The following NOL4L variants were observed in gnomAD, a reference collection of about 807,000 sequenced individuals.
NOL4L encodes nucleolar protein 4-like.
Under a neutral mutation model 64.5 loss-of-function variants are expected in NOL4L, and 7 were observed. The ratio of observed to expected loss-of-function variants is 0.11; its 90% CI spans 0.06 to 0.20. NOL4L has a LOEUF of 0.20. NOL4L is among the 10% of genes least tolerant of loss of function. The probability of loss-of-function intolerance (pLI) is 1.00; values close to 1 mark genes in which losing one functional copy is unlikely to be tolerated. For missense variants in NOL4L, 680 were observed against 967.1 expected, an observed-to-expected ratio of 0.70 and a Z score of 3.94; for synonymous variants, 413 against 401.0, an observed-to-expected ratio of 1.03 and a Z score of -0.36.
In NOL4L at chr20:32,517,055, T is replaced by C. The variant is rs567342905; in HGVS notation, c.589+3756A>G. On this transcript the variant is annotated intron_variant, in intron 3 of 10. Coordinates refer to ENST00000621426, the MANE Select transcript of NOL4L (RefSeq NM_001256798.2). ...GGAAGAGGAGTGTGGAGTCAGGAGGTCCTGGAATTTCCCGTCCTCAGACTT... is the reference window on the plus strand; with the variant it reads ...GGAAGAGGAGTGTGGAGTCAGGAGGCCCTGGAATTTCCCGTCCTCAGACTT... Among the ~76,000 whole-genome samples, 13 of 151,974 alleles carry C rather than the reference T, an allele frequency of 8.6e-5. No individual in the cohort carries two copies. The South Asian group carries it at 2.7e-3, about 32-fold the overall frequency.
rs1185042671 is a variant in NOL4L at position 32,445,014 on chromosome 20, C to A, written c.*2582G>T. On this transcript the variant is annotated 3_prime_UTR_variant, in exon 11 of 11. Coordinates refer to ENST00000621426, the MANE Select transcript of NOL4L (RefSeq NM_001256798.2). ...AATCCTGTTTCCATGCAGAAACTTG[C>A]TCCTGATTCTGCCATCTCTAGGGCT... The A allele has an allele frequency of 6.6e-6, 1 of 152,238 alleles. No homozygotes were observed. Among genetic ancestry groups the A allele is most frequent in the Non-Finnish European group, 1.5e-5 (1 of 68,022 alleles). 9.4% of individuals were successfully genotyped at this position (152,238 alleles called of 1,614,324 possible).
intron 4 of NOL4L, among the ~76,000 whole-genome samples, chr20:32,475,801 T>G (rs1271621018): frequency 6.6e-6 from 1 of 152,120 alleles, no homozygotes; most frequent in Non-Finnish European, 1.5e-5. Context: ...ACCTCTTTTA[T>G]AGTGAGCAAA....
Position 32,460,602 on chromosome 20 carries a change from C to T in NOL4L, c.842-4207G>A, listed in dbSNP as rs141614726. ...ACGGTTCTAAGGTGAGGATGGTGCC[C>T]GAGATGGGGCAGGAGCTCAAAAGGA... On this transcript the variant is annotated intron_variant, in intron 5 of 10. Transcript: ENST00000621426. This position sits in a 1 kb window ranked among gnomAD's most constrained non-coding sequence, Gnocchi z 5.7. Among the ~76,000 whole-genome samples, 174 of 152,272 alleles carry T rather than the reference C, an allele frequency of 1.1e-3. No homozygotes were observed. The Middle Eastern group carries it at 0.014, about 12-fold the overall frequency.
intron 4 of NOL4L, among the ~76,000 whole-genome samples, chr20:32,496,471 T>C (rs1197368673): frequency 6.6e-6 from 1 of 152,202 alleles, no homozygotes; most frequent in Admixed American, 6.5e-5. Flanking sequence ...CACTGTGGTA[T>C]CTTCCGTGCT....
chr20:32,488,841 TTCTTTC>T (rs2016303710), intron 4 of NOL4L, among the ~76,000 whole-genome samples: 2 of 84,104 alleles, frequency 2.4e-5, no homozygotes, highest in African/African-American at 7.9e-5. Flanking sequence ...CTTTCTTTCT[TTCTTTC>T]TTTCTTTCTT....
chr20:32,580,749 G>C (rs1042534862), intron 1 of NOL4L, among the ~76,000 whole-genome samples: 2 of 152,164 alleles, frequency 1.3e-5, no homozygotes, highest in African/African-American at 4.8e-5. Flanking sequence ...CTAGGCCTCA[G>C]TTTTCCCATC....
chr20:32,530,425 C>T (rs550532083), intron 1 of NOL4L, among the ~76,000 whole-genome samples: 20 of 152,158 alleles, frequency 1.3e-4, no homozygotes, highest in Non-Finnish European at 2.6e-4. Context: ...CCTGTAGTCC[C>T]GGCTACTCGG....
rs1236855907 is a variant in NOL4L, at chr20:32,443,589, A to AAG, written c.*4005_*4006dup. ...AGGAGCTGCCCCCAGAGGAACCCTG[A>AAG]AGAAATGGCTTGTACTATCTGCACT... On this transcript the variant is annotated 3_prime_UTR_variant, in exon 11 of 11. Coordinates refer to ENST00000621426, the MANE Select transcript of NOL4L (RefSeq NM_001256798.2). The AAG allele has an allele frequency of 1.3e-5, 2 of 152,332 alleles. No homozygotes were observed. Among genetic ancestry groups the AAG allele is most frequent in the Non-Finnish European group, 2.9e-5 (2 of 68,074 alleles). 9.4% of individuals were successfully genotyped at this position (152,332 alleles called of 1,614,324 possible).
chr20:32,516,193 C>A lies in NOL4L; in HGVS notation c.589+4618G>T, dbSNP rs558813480. Among the ~76,000 whole-genome samples, 14 of 152,126 alleles carry A rather than the reference C, an allele frequency of 9.2e-5. No homozygotes were observed. In the Middle Eastern group the frequency reaches 0.01, roughly 111 times the overall value. ...TCGAAGGATGTGTGCACGATGGGGG[C>A]CTGGCACAGAGAGGCCGTGAGACCA... On this transcript the variant is annotated intron_variant, in intron 3 of 10. Coordinates refer to ENST00000621426, the MANE Select transcript of NOL4L (RefSeq NM_001256798.2).
At chr20:32,526,490 G>A (rs1278622315) in intron 2 of NOL4L, among the ~76,000 whole-genome samples, 6 of 149,346 alleles carry the variant, frequency 4.0e-5, no homozygotes, top group East Asian at 3.9e-4. Flanking sequence ...AGGACTAACC[G>A]GATGGTTGCA....
intron 3 of NOL4L, among the ~76,000 whole-genome samples, chr20:32,515,005 C>A (rs1287421182): frequency 1.3e-5 from 2 of 152,144 alleles, no homozygotes; most frequent in African/African-American, 4.8e-5. Context: ...GAGCTGTGTT[C>A]TTCTACTGAT....
intron 1 of NOL4L, among the ~76,000 whole-genome samples, chr20:32,546,314 T>C (rs1464407134): frequency 6.6e-6 from 1 of 152,088 alleles, no homozygotes; most frequent in Non-Finnish European, 1.5e-5. Flanking sequence ...AATGGCGCGA[T>C]CTCAGCTCAC....
At position 32,453,711 on chromosome 20, in the gene NOL4L, G is replaced by C; in HGVS notation, c.1170C>G (p.Ser390Arg). 1 of 1,558,592 alleles carries C rather than the reference G, an allele frequency of 6.4e-7. No individual in the cohort carries two copies. The highest frequency in any genetic ancestry group is 8.7e-7 in the Non-Finnish European group (1 of 1,150,850). ...GSYDSIKTEV[S>R]GCPEDLTVGR... The stretch of plus-strand genomic sequence containing the variant: ...CCACTGTCAGGTCCTCAGGGCAGCC[G>C]CTGACCTCGGTCTTGATGGAATCGT... The change falls in exon 7 of 11, where the codon AGC (serine) becomes AGG (arginine). Residue 390 changes from serine to arginine, a missense_variant. This residue lies in a region of NOL4L where 254 missense variants were observed against 238.7 expected (regional missense o/e 1.06). Transcript: ENST00000621426. The surrounding 1 kb of genome is among the most constrained non-coding windows in gnomAD (Gnocchi z 5.6).
chr20:32,448,192 G>A (rs941958424), intron 10 of NOL4L, among the ~76,000 whole-genome samples: 1 of 152,194 alleles, frequency 6.6e-6, no homozygotes, highest in Non-Finnish European at 1.5e-5. Flanking sequence ...CTCTGCCAGT[G>A]TGCCTAAAGG....
rs75648208 is a variant in NOL4L, at chr20:32,467,315, T to C, written c.841+7286A>G. 3.8e-3 allele frequency among the ~76,000 whole-genome samples: 540 copies of C among 142,894 alleles called. 2 individuals carry two copies. Among genetic ancestry groups the C allele is most frequent in the African/African-American group, 0.013 (527 of 39,588 alleles). 93.7% of individuals were successfully genotyped at this position (142,894 alleles called of 152,430 possible). On this transcript the variant is annotated intron_variant, in intron 5 of 10. Transcript: ENST00000621426. ...ATTGAGAAGCAGGGTCTTGGGAACT[T>C]GGGGTCCCTGGACAGGGCCTGGCAC...
intron 1 of NOL4L, among the ~76,000 whole-genome samples, chr20:32,551,233 G>A (rs1387268834): frequency 1.4e-5 from 2 of 145,416 alleles, no homozygotes; most frequent in Non-Finnish European, 3.0e-5. Context: ...AAAATTAGCC[G>A]GGCGTGATGG....
chr20:32,532,222 G>A, intron 1 of NOL4L: 2 of 322,666 alleles, frequency 6.2e-6, no homozygotes, highest in Non-Finnish European at 8.9e-6. Flanking sequence ...TTTGGGTCCT[G>A]TAATCCACCT....
At position 32,494,275 on chromosome 20, in the gene NOL4L, A is replaced by AC. The variant is rs2016591292; in HGVS notation, c.699+17071_699+17072insG. Reference sequence around the variant, plus strand: ...CGGGAAAAAAAAAAAAAAAAAAAAAAAAAAAAACACACAACACACACACAC... The same window carrying AC: ...CGGGAAAAAAAAAAAAAAAAAAAAAACAAAAAAACACACAACACACACACAC... On this transcript the variant is annotated intron_variant, in intron 4 of 10. Coordinates refer to ENST00000621426, the MANE Select transcript of NOL4L (RefSeq NM_001256798.2). Among the ~76,000 whole-genome samples, 5 of 82,968 alleles carry AC rather than the reference A, an allele frequency of 6.0e-5. 1 individual carries two copies. The highest frequency in any genetic ancestry group is 1.5e-4 in the Admixed American group (1 of 6,632). The allele number at this position is 82,968 out of a possible 152,430, so 54.4% of individuals were successfully genotyped here.
At chr20:32,517,284 C>G (rs561087722) in intron 3 of NOL4L, among the ~76,000 whole-genome samples, 1 of 152,226 alleles carries the variant, frequency 6.6e-6, no homozygotes, top group African/African-American at 2.4e-5. Flanking sequence ...CCCCTGTCCC[C>G]GCTCCCTCCC....
Sources: gnomAD v4.1 joint callset for allele counts (sites outside exome capture counted in the v4.1 genomes callset) on GRCh38, gnomAD v4.1.1 for gene constraint, gnomAD v4.1.1 regional missense constraint, Gnocchi (gnomAD v3.1) non-coding constraint, MANE v1.5 for transcripts, NCBI Gene and HGNC (gene_info 2026-07-23, HGNC 2026-07-21) for gene names.